The following MARK1 variants were observed in gnomAD, a reference collection of about 807,000 sequenced individuals.
MARK1 encodes the protein microtubule affinity regulating kinase 1.
A neutral mutation model predicts 96.3 loss-of-function variants in MARK1; 40 were observed. The ratio of observed to expected loss-of-function variants is 0.42; its 90% CI spans 0.32 to 0.54. The LOEUF (loss-of-function observed/expected upper bound fraction) is 0.54. Ranked by LOEUF, MARK1 falls within the 20% of genes least tolerant of loss-of-function variation. The pLI is 0.16. For missense variants in MARK1, 719 were observed against 984.6 expected, an observed-to-expected ratio of 0.73 and a Z score of 3.61; for synonymous variants, 317 against 341.2, an observed-to-expected ratio of 0.93 and a Z score of 0.78.
chr1:220,620,045 A>G (rs1666966333), intron 9 of MARK1, among the ~76,000 whole-genome samples: 1 of 152,192 alleles, frequency 6.6e-6, no homozygotes, highest in East Asian at 1.9e-4. Flanking sequence ...TTTTCAGTAG[A>G]GGATACAGCA....
chr1:220,565,487 T>C (rs1435014777), intron 1 of MARK1, among the ~76,000 whole-genome samples: 1 of 151,866 alleles, frequency 6.6e-6, no homozygotes, highest in African/African-American at 2.4e-5. Flanking sequence ...GAAATGTGAG[T>C]GTGTACTTGT....
chr1:220,646,576 C>G (rs1215629048), intron 13 of MARK1, among the ~76,000 whole-genome samples: 1 of 151,904 alleles, frequency 6.6e-6, no homozygotes, highest in African/African-American at 2.4e-5. Context: ...CATATGGAAC[C>G]AAAAAAGGGC....
At chr1:220,644,449 A>G (rs1358548692) in intron 13 of MARK1, among the ~76,000 whole-genome samples, 1 of 124,354 alleles carries the variant, frequency 8.0e-6, no homozygotes, top group Non-Finnish European at 1.7e-5. Context: ...AGAGACTTAG[A>G]CCCCCCCCCC....
intron 3 of MARK1, among the ~76,000 whole-genome samples, chr1:220,589,051 A>C (rs1660747217): frequency 6.6e-6 from 1 of 152,116 alleles, no homozygotes; most frequent in South Asian, 2.1e-4. Context: ...GCCTGAAAGA[A>C]CTCTCTCAGG....
chr1:220,642,371 C>G (rs377642016), intron 13 of MARK1, among the ~76,000 whole-genome samples: 9 of 152,328 alleles, frequency 5.9e-5, no homozygotes, highest in African/African-American at 2.2e-4. Flanking sequence ...TGTGGCAGAT[C>G]ATGGCCAGAC....
At chr1:220,550,735 G>T (rs1488354338) in intron 1 of MARK1, among the ~76,000 whole-genome samples, 1 of 152,130 alleles carries the variant, frequency 6.6e-6, no homozygotes, top group African/African-American at 2.4e-5. Flanking sequence ...TTATTCAAAG[G>T]AATTAACTTC....
intron 16 of MARK1, among the ~76,000 whole-genome samples, chr1:220,657,241 G>C (rs527757256): frequency 1.3e-5 from 2 of 152,120 alleles, no homozygotes; most frequent in African/African-American, 4.8e-5. Flanking sequence ...GATTGAATCC[G>C]TGTTTTTAGA....
intron 9 of MARK1, among the ~76,000 whole-genome samples, chr1:220,620,441 A>T (rs976199772): frequency 6.6e-6 from 1 of 152,148 alleles, no homozygotes; most frequent in African/African-American, 2.4e-5. Context: ...ACCCCACTTG[A>T]CCTGAGTGAC....
chr1:220,610,048 G>A (rs1223379338), intron 6 of MARK1, among the ~76,000 whole-genome samples: 4 of 152,150 alleles, frequency 2.6e-5, no homozygotes. Flanking sequence ...TCTTCTCAAG[G>A]AGTATCTTTG....
At chr1:220,584,943 T>G (rs1664497962) in intron 3 of MARK1, among the ~76,000 whole-genome samples, 1 of 152,166 alleles carries the variant, frequency 6.6e-6, no homozygotes, top group Non-Finnish European at 1.5e-5. Context: ...AGTACTTCTT[T>G]CATACAGTTC....
intron 9 of MARK1, among the ~76,000 whole-genome samples, chr1:220,621,283 T>C (rs1486766679): frequency 6.6e-6 from 1 of 152,138 alleles, no homozygotes; most frequent in Non-Finnish European, 1.5e-5. Context: ...CCATTGTTTT[T>C]GATAAAAAAC....
intron 1 of MARK1, among the ~76,000 whole-genome samples, chr1:220,543,949 A>G (rs1661315338): frequency 6.6e-6 from 1 of 152,224 alleles, no homozygotes; most frequent in Non-Finnish European, 1.5e-5. Flanking sequence ...AATTAACCTC[A>G]TATTATGATG....
chr1:220,630,915 C>A, intron 9 of MARK1, 120 bp from the exon 10 acceptor site: 1 of 680,238 alleles, frequency 1.5e-6, no homozygotes, highest in Non-Finnish European at 2.5e-6. Flanking sequence ...ACTAATCAAA[C>A]TAGAAATGTC....
chr1:220,662,111 C>T lies in MARK1; in HGVS notation c.2333C>T (p.Thr778Ile), dbSNP rs763519886. 6.2e-7 allele frequency: 1 copy of T among 1,613,948 alleles called. No homozygotes were observed. Among genetic ancestry groups the T allele is most frequent in the Non-Finnish European group, 8.5e-7 (1 of 1,180,034 alleles). ...NGVRFKRISG[T>I]SIAFKNIASK... Reference sequence around the variant, plus strand: ...GTTCGCTTCAAGCGAATATCTGGGACATCTATTGCCTTTAAGAACATTGCA... The same window carrying T: ...GTTCGCTTCAAGCGAATATCTGGGATATCTATTGCCTTTAAGAACATTGCA... The change falls in exon 18 of 18, where the codon ACA (threonine) becomes ATA (isoleucine). Residue 778 changes from threonine (T) to isoleucine (I), a missense_variant. Thr to Ile is a moderately conservative substitution (Grantham distance 89). Around this residue, in one of 4 missense-constraint regions of MARK1, gnomAD observed 17 missense variants for 49.7 expected, o/e 0.34. Coordinates refer to ENST00000366917, the MANE Select transcript of MARK1 (RefSeq NM_018650.5).
In MARK1 at chr1:220,650,690, A is replaced by G; in HGVS notation, c.1541A>G (p.Tyr514Cys). 2.5e-6 allele frequency: 4 copies of G among 1,613,768 alleles called. No individual in the cohort carries two copies. The highest frequency in any genetic ancestry group is 3.4e-6 in the Non-Finnish European group (4 of 1,179,726). ...TYVCERTTDR[Y>C]VALQNGKDSS... is the part of the protein sequence containing the mutation. ...GTCTGTGAAAGGACCACAGATCGAT[A>G]CGTAGCATTGCAGAATGGAAAAGAC... Residue 514 changes from tyrosine (Y) to cysteine (C), a missense_variant, in exon 14 of 18, where the codon TAC becomes TGC. Tyr to Cys is a radical substitution (Grantham distance 194). Coordinates refer to ENST00000366917, the MANE Select transcript of MARK1 (RefSeq NM_018650.5).
Position 220,618,171 on chromosome 1 carries a change from A to G in MARK1, c.553-139A>G. ...CAGAACAGTTATGCATTGAAGTACCATACTGGGCTTCTAAATTTGATACTA... is the reference window on the plus strand; with the variant it reads ...CAGAACAGTTATGCATTGAAGTACCGTACTGGGCTTCTAAATTTGATACTA... On this transcript the variant is annotated intron_variant, in intron 7 of 17. Transcript: ENST00000366917. The surrounding 1 kb of genome is among the most constrained non-coding windows in gnomAD (Gnocchi z 4.6). 1 of 626,820 alleles carries G rather than the reference A, an allele frequency of 1.6e-6. No homozygotes were observed. Among genetic ancestry groups the G allele is most frequent in the Non-Finnish European group, 2.8e-6 (1 of 357,200 alleles). 38.8% of individuals were successfully genotyped at this position (626,820 alleles called of 1,614,324 possible).
At chr1:220,637,612 G>C (rs1668035908) in intron 13 of MARK1, among the ~76,000 whole-genome samples, 1 of 152,196 alleles carries the variant, frequency 6.6e-6, no homozygotes, top group South Asian at 2.1e-4. Context: ...CTGGGAGGCA[G>C]AGGTTGCAGT....
chr1:220,599,710 C>A, intron 4 of MARK1, 88 bp from the exon 5 acceptor site: 1 of 619,136 alleles, frequency 1.6e-6, no homozygotes, highest in Non-Finnish European at 2.8e-6. Flanking sequence ...GTCAAATTTT[C>A]TACTAGTTTA....
chr1:220,657,850 T>C lies in MARK1; in HGVS notation c.2033+16T>C, dbSNP rs1669260739. 3.9e-6 allele frequency: 6 copies of C among 1,534,892 alleles called. No individual in the cohort carries two copies. Among genetic ancestry groups the C allele is most frequent in the Non-Finnish European group, 5.2e-6 (6 of 1,145,058 alleles). On this transcript the variant is annotated intron_variant, in intron 17 of 17. Coordinates refer to ENST00000366917, the MANE Select transcript of MARK1 (RefSeq NM_018650.5). ...ACACCTCAAGGTGAGGAGCCACTAT[T>C]AATACTTCGCTGCTAGGTCCCTGTG...
Sources: gnomAD v4.1 joint callset for allele counts (sites outside exome capture counted in the v4.1 genomes callset) on GRCh38, gnomAD v4.1.1 for gene constraint, gnomAD v4.1.1 regional missense constraint, Gnocchi (gnomAD v3.1) non-coding constraint, MANE v1.5 for transcripts, NCBI Gene and HGNC (gene_info 2026-07-23, HGNC 2026-07-21) for gene names.